DCC: variants seen among roughly 807,000 people sequenced by gnomAD.
DCC encodes the protein netrin receptor DCC.
A neutral mutation model predicts 172.5 loss-of-function variants in DCC; 58 were observed. The observed-to-expected ratio is 0.34, with a 90% CI of 0.27 to 0.42. The LOEUF (loss-of-function observed/expected upper bound fraction) is 0.42, where lower values mean the gene tolerates loss of function less well. Among genes scored for constraint, DCC ranks in the 10% least tolerant of loss-of-function variants. DCC has a pLI of 1.00. For missense variants in DCC, 1,740 were observed against 1,791.0 expected, an observed-to-expected ratio of 0.97 and a Z score of 0.51; for synonymous variants, 709 against 644.5, an observed-to-expected ratio of 1.10 and a Z score of -1.52.
At chr18:53,213,432 G>C (rs971467077) in intron 11 of DCC, among the ~76,000 whole-genome samples, 1 of 151,754 alleles carries the variant, frequency 6.6e-6, no homozygotes, top group African/African-American at 2.4e-5. Flanking sequence ...GGTGGATCAC[G>C]AGGTCAGGAG....
chr18:52,519,648 G>C (rs1481183765), intron 1 of DCC, among the ~76,000 whole-genome samples: 1 of 152,142 alleles, frequency 6.6e-6, no homozygotes, highest in Non-Finnish European at 1.5e-5. Context: ...GAATCTTTTT[G>C]CTCTAAATCA....
At chr18:53,220,349 C>A (rs963397252) in intron 12 of DCC, among the ~76,000 whole-genome samples, 1 of 152,138 alleles carries the variant, frequency 6.6e-6, no homozygotes, top group African/African-American at 2.4e-5. Flanking sequence ...TCTCTGCTTT[C>A]ACCATTCTTC....
At position 53,533,163 on chromosome 18, in the gene DCC, A is replaced by G. The variant is rs980656173; in HGVS notation, c.*2510A>G. The G allele has an allele frequency of 1.3e-5, 2 of 152,204 alleles. No individual in the cohort carries two copies. The allele number at this position is 152,204 out of a possible 1,614,324, so 9.4% of individuals were successfully genotyped here. A position where few individuals can be genotyped will look rare whatever the true frequency, so the allele number is the denominator to read the frequency against. On this transcript the variant is annotated 3_prime_UTR_variant, in exon 29 of 29. Coordinates refer to ENST00000442544, the MANE Select transcript of DCC (RefSeq NM_005215.4). ...TGTTCCCTTTACCCTCAAATGATTC[A>G]TATATGTATATAATTGCCTGCCCAA...
Position 52,475,063 on chromosome 18 carries a change from A to T in DCC, c.91+134185A>T, listed in dbSNP as rs577749122. 4.6e-5 allele frequency among the ~76,000 whole-genome samples: 7 copies of T among 152,276 alleles called. No homozygotes were observed. In the South Asian group the frequency reaches 1.2e-3, roughly 27 times the overall value. On this transcript the variant is annotated intron_variant, in intron 1 of 28. Coordinates refer to ENST00000442544, the MANE Select transcript of DCC (RefSeq NM_005215.4). ...CATAATTTCAGTCATCATGATCTCA[A>T]CTTCCTACCCCCACATTGACAAGTG...
chr18:52,727,872 C>A (rs775158425), intron 1 of DCC, among the ~76,000 whole-genome samples: 1 of 151,924 alleles, frequency 6.6e-6, no homozygotes, highest in Admixed American at 6.6e-5. Flanking sequence ...TTTTGAAAAC[C>A]CAGAACAATG....
At chr18:53,497,256 T>C (rs2046035811) in intron 26 of DCC, among the ~76,000 whole-genome samples, 4 of 152,236 alleles carry the variant, frequency 2.6e-5, no homozygotes, top group Admixed American at 2.6e-4. Context: ...GAATTTCTTC[T>C]GTGAAATTAC....
intron 5 of DCC, among the ~76,000 whole-genome samples, chr18:53,049,946 G>A (rs903968178): frequency 1.3e-5 from 2 of 152,076 alleles, no homozygotes; most frequent in Non-Finnish European, 2.9e-5. Context: ...GGCTCATTCC[G>A]AGTCCAGAAA....
At chr18:53,229,844 A>G (rs1490962393) in intron 12 of DCC, among the ~76,000 whole-genome samples, 1 of 151,958 alleles carries the variant, frequency 6.6e-6, no homozygotes, top group Non-Finnish European at 1.5e-5. Context: ...GGTAAAAAGA[A>G]GAAATCAAAA....
At chr18:52,836,978 C>G (rs545118299) in intron 2 of DCC, among the ~76,000 whole-genome samples, 3 of 152,330 alleles carry the variant, frequency 2.0e-5, no homozygotes, top group Admixed American at 1.3e-4. Context: ...AACCTCAATT[C>G]TTGACTTCTA....
intron 20 of DCC, among the ~76,000 whole-genome samples, chr18:53,411,002 C>T (rs778764186): frequency 4.0e-5 from 6 of 151,808 alleles, no homozygotes; most frequent in East Asian, 1.9e-4. Context: ...ATACTATTGC[C>T]GACTTTAGGT....
chr18:53,298,845 T>G (rs2057100068), intron 12 of DCC, among the ~76,000 whole-genome samples: 1 of 152,118 alleles, frequency 6.6e-6, no homozygotes, highest in African/African-American at 2.4e-5. Flanking sequence ...AATTGCCAAG[T>G]AGAGTCCCTG....
intron 2 of DCC, among the ~76,000 whole-genome samples, chr18:52,835,578 C>T (rs1018877213): frequency 1.2e-4 from 19 of 152,090 alleles, no homozygotes; most frequent in African/African-American, 1.7e-4. Flanking sequence ...ATTTTGACCA[C>T]GCAACTAAAA....
chr18:52,934,971 T>C (rs1344737961), intron 5 of DCC: 1 of 152,170 alleles, frequency 6.6e-6, no homozygotes, highest in Admixed American at 6.6e-5. Context: ...TCTGTTGTAT[T>C]TTGTTATGGC....
intron 7 of DCC, among the ~76,000 whole-genome samples, chr18:53,080,820 A>G (rs2042789053): frequency 6.6e-6 from 1 of 152,196 alleles, no homozygotes; most frequent in East Asian, 1.9e-4. Flanking sequence ...AGTTATTGGC[A>G]TTGCTGATGG....
intron 12 of DCC, among the ~76,000 whole-genome samples, chr18:53,275,659 A>G (rs895601891): frequency 6.6e-6 from 1 of 152,078 alleles, no homozygotes; most frequent in Admixed American, 6.6e-5. Flanking sequence ...AGCAAGCAAC[A>G]ACCCACTAAA....
intron 5 of DCC, among the ~76,000 whole-genome samples, chr18:53,011,945 A>G (rs2041736767): frequency 6.6e-6 from 1 of 151,890 alleles, no homozygotes; most frequent in Admixed American, 6.6e-5. Flanking sequence ...ATGGAAAACT[A>G]CTCAGTATCG....
At chr18:53,107,586 T>G (rs9955363) in intron 7 of DCC, among the ~76,000 whole-genome samples, 42 of 147,824 alleles carry the variant, frequency 2.8e-4, no homozygotes, top group African/African-American at 1.0e-3. Flanking sequence ...CTCAAACAGC[T>G]TATACTAAAG....
intron 22 of DCC, 134 bp from the exon 23 acceptor site, chr18:53,450,366 C>T: frequency 6.8e-6 from 6 of 876,068 alleles, no homozygotes; most frequent in Admixed American, 6.1e-5. Flanking sequence ...TCATTGCTTC[C>T]CTCGAACTCC....
intron 15 of DCC, among the ~76,000 whole-genome samples, chr18:53,375,543 A>G (rs752781223): frequency 5.9e-5 from 9 of 151,942 alleles, no homozygotes; most frequent in Non-Finnish European, 1.2e-4. Flanking sequence ...AATTAACTAA[A>G]TGAACAATAT....
Sources: allele counts gnomAD v4.1 joint callset (sites outside exome capture counted in the v4.1 genomes callset), GRCh38; gene constraint gnomAD v4.1.1; transcripts MANE v1.5; gene names NCBI Gene and HGNC (gene_info 2026-07-23, HGNC 2026-07-21).